The following QRFPR variants were observed in gnomAD, a reference collection of about 807,000 sequenced individuals.
QRFPR encodes the protein pyroglutamylated RFamide peptide receptor.
Under a neutral mutation model 31.3 loss-of-function variants are expected in QRFPR, and 37 were observed. That is an observed-to-expected ratio of 1.18 (90% CI 0.91 to 1.56). The LOEUF (loss-of-function observed/expected upper bound fraction) is 1.56, where lower values mean the gene tolerates loss of function less well. Ranked by LOEUF, QRFPR falls within the 40% of genes most tolerant of loss-of-function variation. The pLI, the probability that QRFPR is intolerant of heterozygous loss-of-function variation, is 0.00. For synonymous variants in QRFPR, 197 were observed against 192.0 expected, an observed-to-expected ratio of 1.03 and a Z score of -0.22; for missense variants, 542 against 532.5, an observed-to-expected ratio of 1.02 and a Z score of -0.18.
At chr4:121,357,198 C>T (rs1725886934) in intron 1 of QRFPR, among the ~76,000 whole-genome samples, 1 of 152,016 alleles carries the variant, frequency 6.6e-6, no homozygotes, top group African/African-American at 2.4e-5. Flanking sequence ...GGGGAGAATT[C>T]ATTTCCTTGC....
At chr4:121,338,257 G>A (rs965649459) in intron 2 of QRFPR, among the ~76,000 whole-genome samples, 1 of 151,920 alleles carries the variant, frequency 6.6e-6, no homozygotes, top group African/African-American at 2.4e-5. Flanking sequence ...ATTTTTCTGG[G>A]CTTTAGTACA....
Position 121,368,042 on chromosome 4 carries a change from T to C in QRFPR, c.340+12266A>G, listed in dbSNP as rs767774214. On this transcript the variant is annotated intron_variant, in intron 1 of 5. Coordinates refer to ENST00000394427, the MANE Select transcript of QRFPR (RefSeq NM_198179.3). ...ACAAGGTACTATCCAAAACAAAAAA[T>C]TGGGTATTTGAGACAGTATTCAAGA... is the stretch of plus-strand genomic sequence containing the variant. 6.7e-5 allele frequency among the ~76,000 whole-genome samples: 10 copies of C among 149,604 alleles called. 1 individual carries two copies. The highest frequency in any genetic ancestry group is 2.1e-4 in the South Asian group (1 of 4,742).
rs1197802603 is a variant in QRFPR, at chr4:121,329,693, T to C, written c.917A>G (p.Asp306Gly). 6.5e-7 allele frequency: 1 copy of C among 1,538,738 alleles called. No homozygotes were observed. Residue 306 changes from aspartate to glycine, a missense_variant, in exon 6 of 6, where the codon GAT (aspartate) becomes GGT (glycine). Transcript: ENST00000394427. ...IEYSNFEKEY[D>G]DVTIKMIFAI... ...AAAAATCATCTTGATTGTGACATCA[T>C]CATATTCCTTTTCAAAATTACCTGA...
chr4:121,342,096 T>A (rs1725554194), intron 1 of QRFPR, among the ~76,000 whole-genome samples: 1 of 152,206 alleles, frequency 6.6e-6, no homozygotes, highest in Non-Finnish European at 1.5e-5. Context: ...TCCTTCCTAG[T>A]GTGGTTGGGC....
chr4:121,351,791 A>G (rs1725764656), intron 1 of QRFPR, among the ~76,000 whole-genome samples: 1 of 151,848 alleles, frequency 6.6e-6, no homozygotes, highest in Non-Finnish European at 1.5e-5. Flanking sequence ...TATGTAATTT[A>G]TGTACTCAGT....
rs552326450 is a variant in QRFPR at position 121,362,762 on chromosome 4, C to G, written c.340+17546G>C. 1.2e-4 allele frequency among the ~76,000 whole-genome samples: 18 copies of G among 149,762 alleles called. 2 individuals are homozygous for G. Among genetic ancestry groups the G allele is most frequent in the African/African-American group, 4.5e-4 (18 of 40,442 alleles). On this transcript the variant is annotated intron_variant, in intron 1 of 5. Coordinates refer to ENST00000394427, the MANE Select transcript of QRFPR (RefSeq NM_198179.3). ...AAATGGCACTGAAACAACTGGACTT[C>G]CACAGGAAAAATAAAAGAATCTAGA...
At chr4:121,360,967 T>G (rs898764198) in intron 1 of QRFPR, among the ~76,000 whole-genome samples, 3 of 152,178 alleles carry the variant, frequency 2.0e-5, no homozygotes, top group African/African-American at 7.2e-5. Flanking sequence ...ACATAGTGCC[T>G]AGCATGTGTT....
In QRFPR at chr4:121,364,518, T is replaced by C. The variant is rs544429894; in HGVS notation, c.340+15790A>G. ...AGCCAGGCATGGTGGCGGGTGCCTATAGTCCCAGCTACTCTGGAAGCTGAG... is the reference window on the plus strand; with the variant it reads ...AGCCAGGCATGGTGGCGGGTGCCTACAGTCCCAGCTACTCTGGAAGCTGAG... On this transcript the variant is annotated intron_variant, in intron 1 of 5. Coordinates refer to ENST00000394427, the MANE Select transcript of QRFPR (RefSeq NM_198179.3). Among the ~76,000 whole-genome samples the C allele has an allele frequency of 4.0e-5, 6 of 149,040 alleles. 1 individual carries two copies. The East Asian group carries it at 1.2e-3, about 30-fold the overall frequency.
chr4:121,333,102 A>G (rs779908589), intron 3 of QRFPR, 46 bp from the exon 4 acceptor site: 26 of 1,306,720 alleles, frequency 2.0e-5, no homozygotes, highest in Admixed American at 9.7e-5. Flanking sequence ...AGTCAGCATC[A>G]AAAAACAGAA....
intron 1 of QRFPR, among the ~76,000 whole-genome samples, chr4:121,365,460 AAT>A (rs1726073782): frequency 9.5e-5 from 1 of 10,516 alleles, no homozygotes; most frequent in Non-Finnish European, 3.4e-4. Context: ...TCTCAAAAAT[AAT>A]AATAAATAAA....
chr4:121,330,033 A>G (rs1725291695), intron 5 of QRFPR, among the ~76,000 whole-genome samples: 1 of 151,026 alleles, frequency 6.6e-6, no homozygotes, highest in Non-Finnish European at 1.5e-5. Flanking sequence ...CTTGCCTTAG[A>G]GAAACAAAAT....
At chr4:121,351,289 T>A (rs1331415292) in intron 1 of QRFPR, among the ~76,000 whole-genome samples, 2 of 152,206 alleles carry the variant, frequency 1.3e-5, no homozygotes, top group East Asian at 1.9e-4. Context: ...TTTTACTTTG[T>A]GGGAGCCACA....
chr4:121,373,087 G>A (rs1264109469), intron 1 of QRFPR, among the ~76,000 whole-genome samples: 1 of 151,978 alleles, frequency 6.6e-6, no homozygotes, highest in Non-Finnish European at 1.5e-5. Flanking sequence ...AATTTAAGTT[G>A]GGCTTCTCTT....
In QRFPR at chr4:121,328,780, G is replaced by A. The variant is rs757300348; in HGVS notation, c.*534C>T. Among the ~76,000 whole-genome samples, 2 of 152,124 alleles carry A rather than the reference G, an allele frequency of 1.3e-5. No homozygotes were observed. The highest frequency in any genetic ancestry group is 2.9e-5 in the Non-Finnish European group (2 of 68,022). ...TCAAAAAAATTTTTTTTGAGACGGG[G>A]AGTCTCGCTCTTTCGCCCAGGCTGG... On this transcript the variant is annotated 3_prime_UTR_variant, in exon 6 of 6. Transcript: ENST00000394427.
chr4:121,353,040 C>G (rs1447776678), intron 1 of QRFPR, among the ~76,000 whole-genome samples: 2 of 152,056 alleles, frequency 1.3e-5, no homozygotes, highest in Non-Finnish European at 1.5e-5. Context: ...TTCTGAATAA[C>G]AGAACTTCAT....
At chr4:121,341,126 C>G (rs1351377045) in intron 1 of QRFPR, among the ~76,000 whole-genome samples, 2 of 152,212 alleles carry the variant, frequency 1.3e-5, no homozygotes, top group African/African-American at 4.8e-5. Flanking sequence ...TTTACTTTCT[C>G]TAATGCAACG....
At chr4:121,333,100 T>C (rs758116121) in intron 3 of QRFPR, 44 bp from the exon 4 acceptor site, 3 of 1,349,250 alleles carry the variant, frequency 2.2e-6, no homozygotes, top group Non-Finnish European at 3.1e-6. Flanking sequence ...GTAGTCAGCA[T>C]CAAAAAACAG....
At chr4:121,333,894 A>C (rs1725384536) in intron 3 of QRFPR, among the ~76,000 whole-genome samples, 1 of 152,196 alleles carries the variant, frequency 6.6e-6, no homozygotes, top group South Asian at 2.1e-4. Flanking sequence ...TCTCAGACAT[A>C]TTTCTGCCTA....
At position 121,329,449 on chromosome 4, in the gene QRFPR, T is replaced by A; in HGVS notation, c.1161A>T (p.Lys387Asn). Residue 387 changes from lysine to asparagine, a missense_variant, in exon 6 of 6, where the codon AAA becomes AAT. Transcript: ENST00000394427. Reference sequence around the variant, plus strand: ...TGTTGCCATCACTGAATGCTTCTCCTTTGGTTTCCTCCACTGGATTCTCTC... The same window carrying A: ...TGTTGCCATCACTGAATGCTTCTCCATTGGTTTCCTCCACTGGATTCTCTC... ...SLRENPVEET[K>N]GEAFSDGNIE... 6.2e-7 allele frequency: 1 copy of A among 1,614,166 alleles called. No individual in the cohort carries two copies. Among genetic ancestry groups the A allele is most frequent in the Middle Eastern group, 1.6e-4 (1 of 6,062 alleles).
Sources: gnomAD v4.1 joint callset for allele counts (sites outside exome capture counted in the v4.1 genomes callset) on GRCh38, gnomAD v4.1.1 for gene constraint, MANE v1.5 for transcripts, NCBI Gene and HGNC (gene_info 2026-07-23, HGNC 2026-07-21) for gene names.